Variants in PTN observed in about 807,000 individuals in gnomAD.
PTN encodes the protein pleiotrophin, also known as heparin affin regulatory protein.
A neutral mutation model predicts 24.1 loss-of-function variants in PTN; 18 were observed. The observed-to-expected ratio is 0.75, with a 90% CI of 0.52 to 1.11. The LOEUF (loss-of-function observed/expected upper bound fraction) is 1.11, where lower values mean the gene tolerates loss of function less well. Among genes scored for constraint, PTN ranks in the 50% least tolerant of loss-of-function variants. PTN has a pLI of 0.00. For synonymous variants in PTN, 78 were observed against 68.6 expected, an observed-to-expected ratio of 1.14 and a Z score of -0.67; for missense variants, 163 against 198.8, an observed-to-expected ratio of 0.82 and a Z score of 1.08.
At chr7:137,248,769 GGTTA>G (rs1403618130) in intron 4 of PTN, among the ~76,000 whole-genome samples, 1 of 152,106 alleles carries the variant, frequency 6.6e-6, no homozygotes, top group Non-Finnish European at 1.5e-5. Flanking sequence ...GGAAAAGATT[GGTTA>G]GTTATAACAA....
chr7:137,322,509 C>A (rs1369416134), intron 1 of PTN, among the ~76,000 whole-genome samples: 1 of 151,946 alleles, frequency 6.6e-6, no homozygotes, highest in African/African-American at 2.4e-5. Context: ...CCTTAATTAT[C>A]AATAGGAAAA....
intron 1 of PTN, among the ~76,000 whole-genome samples, chr7:137,313,976 T>G (rs1810027309): frequency 6.6e-6 from 1 of 152,164 alleles, no homozygotes; most frequent in Admixed American, 6.5e-5. Context: ...CTGAGAAGGG[T>G]CTGAGAAATC....
At chr7:137,322,137 T>G (rs563752565) in intron 1 of PTN, among the ~76,000 whole-genome samples, 1 of 152,190 alleles carries the variant, frequency 6.6e-6, no homozygotes. Context: ...TCCTTACTAC[T>G]TGCTGAAATT....
At chr7:137,322,415 T>C (rs113503453) in intron 1 of PTN, among the ~76,000 whole-genome samples, 89 of 152,320 alleles carry the variant, frequency 5.8e-4, no homozygotes, top group African/African-American at 2.1e-3. Context: ...TCAAAGTGTT[T>C]ATATTTGAAA....
At chr7:137,299,622 A>T (rs1052814563) in intron 1 of PTN, among the ~76,000 whole-genome samples, 1 of 151,936 alleles carries the variant, frequency 6.6e-6, no homozygotes, top group Non-Finnish European at 1.5e-5. Context: ...AAAGTGCTAA[A>T]AACCATGCTC....
chr7:137,332,922 G>GA (rs1435020406), intron 1 of PTN, among the ~76,000 whole-genome samples: 1 of 152,158 alleles, frequency 6.6e-6, no homozygotes, highest in East Asian at 1.9e-4. Context: ...AAGCCATTAT[G>GA]AAAACACTGT....
intron 1 of PTN, among the ~76,000 whole-genome samples, chr7:137,277,861 T>C (rs1196271329): frequency 6.8e-6 from 1 of 147,536 alleles, no homozygotes; most frequent in Non-Finnish European, 1.5e-5. Flanking sequence ...TGAGCCACCA[T>C]GCCCAGCCAA....
At chr7:137,313,613 T>C (rs2128880160) in intron 1 of PTN, among the ~76,000 whole-genome samples, 1 of 151,776 alleles carries the variant, frequency 6.6e-6, no homozygotes, top group South Asian at 2.1e-4. Flanking sequence ...TGACCTATAC[T>C]CACTCTTTCC....
intron 1 of PTN, among the ~76,000 whole-genome samples, chr7:137,280,860 A>G (rs1002553296): frequency 8.0e-5 from 12 of 149,450 alleles, no homozygotes; most frequent in Admixed American, 6.6e-4. Flanking sequence ...CAACAGAGCA[A>G]GACTTTGTCT....
chr7:137,230,000 T>C (rs1020997246), intron 4 of PTN, among the ~76,000 whole-genome samples: 1 of 151,828 alleles, frequency 6.6e-6, no homozygotes, highest in Non-Finnish European at 1.5e-5. Flanking sequence ...AGTTTCCTCA[T>C]GTCCCTTCCT....
At chr7:137,295,929 AAAG>A (rs1406219595) in intron 1 of PTN, among the ~76,000 whole-genome samples, 2 of 152,026 alleles carry the variant, frequency 1.3e-5, no homozygotes, top group Non-Finnish European at 2.9e-5. Flanking sequence ...TTCTGCTTGA[AAAG>A]AAGCAGAAAA....
At chr7:137,266,874 T>A (rs1809159345) in intron 1 of PTN, among the ~76,000 whole-genome samples, 1 of 149,118 alleles carries the variant, frequency 6.7e-6, no homozygotes, top group East Asian at 2.0e-4. Flanking sequence ...TGGCCTTTTT[T>A]TTTTTTTTTT....
At chr7:137,309,515 T>C (rs887851396) in intron 1 of PTN, among the ~76,000 whole-genome samples, 3 of 152,186 alleles carry the variant, frequency 2.0e-5, no homozygotes, top group Non-Finnish European at 4.4e-5. Flanking sequence ...TGATGGTGTT[T>C]GATAACATTT....
chr7:137,236,336 G>A, intron 4 of PTN: 1 of 694,170 alleles, frequency 1.4e-6, no homozygotes, highest in Non-Finnish European at 2.6e-6. Flanking sequence ...CAGGGGTGGG[G>A]GAATCAGCCA....
chr7:137,307,109 C>T (rs768975877), intron 1 of PTN, among the ~76,000 whole-genome samples: 1 of 152,068 alleles, frequency 6.6e-6, no homozygotes, highest in Non-Finnish European at 1.5e-5. Flanking sequence ...GTGGCAGCTA[C>T]TTTGAATAAC....
intron 1 of PTN, among the ~76,000 whole-genome samples, chr7:137,342,309 G>A (rs552616208): frequency 4.3e-4 from 65 of 151,720 alleles, no homozygotes; most frequent in African/African-American, 1.5e-3. Context: ...ACATGCACAC[G>A]CACACACACA....
chr7:137,341,279 T>C (rs1198993346), intron 1 of PTN, among the ~76,000 whole-genome samples: 1 of 152,212 alleles, frequency 6.6e-6, no homozygotes. Context: ...TATGAAATTT[T>C]AAACCAGGCC....
rs2128866542 is a variant in PTN at position 137,227,758 on chromosome 7, T to G, written c.*262A>C. 3.2e-6 allele frequency: 1 copy of G among 312,216 alleles called. No homozygotes were observed. The highest frequency in any genetic ancestry group is 5.0e-5 in the East Asian group (1 of 19,828). 19.3% of individuals were successfully genotyped at this position (312,216 alleles called of 1,614,324 possible). A position where few individuals can be genotyped will look rare whatever the true frequency, so the allele number is the denominator to read the frequency against. On this transcript the variant is annotated 3_prime_UTR_variant, in exon 5 of 5. Coordinates refer to ENST00000348225, the MANE Select transcript of PTN (RefSeq NM_002825.7). The stretch of plus-strand genomic sequence containing the variant: ...AAAATGTCACATAATTTCAAAAAAC[T>G]TACCTCAATTGTCTATCATTTATCA...
intron 1 of PTN, among the ~76,000 whole-genome samples, chr7:137,333,906 A>T (rs1810402368): frequency 6.6e-6 from 1 of 152,200 alleles, no homozygotes. Flanking sequence ...TAACTATCTG[A>T]TCTTTGACAA....
Sources: gnomAD v4.1 joint callset for allele counts (sites outside exome capture counted in the v4.1 genomes callset) on GRCh38, gnomAD v4.1.1 for gene constraint, MANE v1.5 for transcripts, NCBI Gene and HGNC (gene_info 2026-07-23, HGNC 2026-07-21) for gene names.